Variants in GNAT3 observed in about 807,000 individuals in gnomAD.
The protein encoded by GNAT3 is guanine nucleotide-binding protein G(t) subunit alpha-3.
GNAT3 carries 31 observed loss-of-function variants against 37.7 expected under a neutral mutation model. The ratio of observed to expected loss-of-function variants is 0.82; its 90% CI spans 0.62 to 1.11. The LOEUF is 1.11. Ranked by LOEUF, GNAT3 falls within the 50% of genes most tolerant of loss-of-function variation. GNAT3 has a pLI of 0.00. For synonymous variants in GNAT3, 138 were observed against 139.8 expected, an observed-to-expected ratio of 0.99 and a Z score of 0.09; for missense variants, 437 against 412.5, an observed-to-expected ratio of 1.06 and a Z score of -0.51.
chr7:80,485,845 C>G (rs1790469354), intron 3 of GNAT3, among the ~76,000 whole-genome samples: 1 of 152,002 alleles, frequency 6.6e-6, no homozygotes, highest in African/African-American at 2.4e-5. Context: ...CTTTAATAGT[C>G]ATTGTAACTC....
Position 80,474,215 on chromosome 7 carries a change from C to G in GNAT3, c.590+36G>C, listed in dbSNP as rs760684217. 24 of 1,589,026 alleles carry G rather than the reference C, an allele frequency of 1.5e-5. No homozygotes were observed. The Middle Eastern group carries it at 1.0e-3, about 66-fold the overall frequency. On this transcript the variant is annotated intron_variant, in intron 5 of 7. Transcript: ENST00000398291. ...GAGGAAATATTAAGCCTGATGCATA[C>G]TTCTGTCTACAGTTAGAAAAGATAT...
intron 2 of GNAT3, among the ~76,000 whole-genome samples, chr7:80,492,389 A>G (rs1290636188): frequency 6.6e-6 from 1 of 151,692 alleles, no homozygotes; most frequent in Non-Finnish European, 1.5e-5. Context: ...AAAAAATAAA[A>G]TGTTAATGCA....
chr7:80,482,169 A>T (rs550913076), intron 3 of GNAT3, among the ~76,000 whole-genome samples: 7 of 152,312 alleles, frequency 4.6e-5, no homozygotes, highest in African/African-American at 1.2e-4. Context: ...ACAAATGGCC[A>T]TATCAAGTCT....
At chr7:80,504,904 A>T (rs1208719394) in intron 1 of GNAT3, among the ~76,000 whole-genome samples, 1 of 152,284 alleles carries the variant, frequency 6.6e-6, no homozygotes, top group East Asian at 1.9e-4. Flanking sequence ...TGCCTTTGGA[A>T]CATTTTAGAA....
At chr7:80,504,498 A>G (rs1464417720) in intron 1 of GNAT3, among the ~76,000 whole-genome samples, 1 of 152,204 alleles carries the variant, frequency 6.6e-6, no homozygotes, top group Non-Finnish European at 1.5e-5. Context: ...AAGTATTTCA[A>G]TATAAAAACA....
chr7:80,460,002 A>G (rs920743694), intron 7 of GNAT3, among the ~76,000 whole-genome samples: 1 of 152,188 alleles, frequency 6.6e-6, no homozygotes, highest in Non-Finnish European at 1.5e-5. Flanking sequence ...CTAGAAACTT[A>G]TGTCTACACA....
chr7:80,507,914 G>T (rs1790980770), intron 1 of GNAT3, among the ~76,000 whole-genome samples: 1 of 151,788 alleles, frequency 6.6e-6, no homozygotes, highest in Non-Finnish European at 1.5e-5. Context: ...AGTAGTTTTT[G>T]ATCTCTAGAC....
intron 2 of GNAT3, among the ~76,000 whole-genome samples, chr7:80,493,614 CTCTTTCCTCT>C (rs1790638502): frequency 8.7e-6 from 1 of 115,556 alleles, no homozygotes; most frequent in African/African-American, 4.2e-5. Context: ...CCTCCTCCTC[CTCTTTCCTCT>C]TCCTCCTCCT....
At chr7:80,473,562 CCTG>C (rs1475298387) in intron 5 of GNAT3, among the ~76,000 whole-genome samples, 1 of 151,964 alleles carries the variant, frequency 6.6e-6, no homozygotes, top group Non-Finnish European at 1.5e-5. Flanking sequence ...GCAGCTAGAA[CCTG>C]CTATTAATGT....
intron 1 of GNAT3, among the ~76,000 whole-genome samples, chr7:80,507,117 A>G (rs1389071314): frequency 6.6e-6 from 1 of 152,012 alleles, no homozygotes; most frequent in Non-Finnish European, 1.5e-5. Flanking sequence ...TTTACCAGTG[A>G]TCAGAAGGGG....
chr7:80,511,849 A>G lies in GNAT3; in HGVS notation c.78T>C (p.Asp26=), dbSNP rs1349209183. Residue 26 remains aspartate, a synonymous_variant, in exon 1 of 8, where the codon GAT becomes GAC. Coordinates refer to ENST00000398291, the MANE Select transcript of GNAT3 (RefSeq NM_001102386.3). The stretch of plus-strand genomic sequence containing the variant: ...TTACGGTTCTTGCATCTCGCTCAGC[A>G]TCCTCCTGAAGCTTTTTCTCCAGTT... ...SKELEKKLQE[D]AERDARTVKL... The G allele has an allele frequency of 3.7e-6, 6 of 1,612,156 alleles. No individual in the cohort carries two copies.
chr7:80,493,611 C>A (rs772837104), intron 2 of GNAT3, among the ~76,000 whole-genome samples: 1 of 117,822 alleles, frequency 8.5e-6, no homozygotes, highest in Non-Finnish European at 1.8e-5. Context: ...TTTCCTCCTC[C>A]TCCTCTTTCC....
intron 1 of GNAT3, among the ~76,000 whole-genome samples, chr7:80,497,676 A>ACG (rs1361283267): frequency 6.3e-5 from 6 of 95,880 alleles, no homozygotes; most frequent in African/African-American, 4.5e-4. Context: ...ATATACATAC[A>ACG]TATATACACA....
chr7:80,489,547 A>G (rs1357089672), intron 2 of GNAT3, among the ~76,000 whole-genome samples: 1 of 152,056 alleles, frequency 6.6e-6, no homozygotes, highest in African/African-American at 2.4e-5. Flanking sequence ...GAGCATAAAC[A>G]CCTCTTTAAT....
chr7:80,494,489 G>T, intron 2 of GNAT3, 116 bp downstream of exon 2: 1 of 638,114 alleles, frequency 1.6e-6, no homozygotes, highest in Non-Finnish European at 2.8e-6. Flanking sequence ...ACCACTCTAT[G>T]ATCCATGATT....
At chr7:80,501,964 A>G (rs749743306) in intron 1 of GNAT3, among the ~76,000 whole-genome samples, 1 of 151,998 alleles carries the variant, frequency 6.6e-6, no homozygotes, top group Non-Finnish European at 1.5e-5. Context: ...GCTATATACT[A>G]TCTTTCCTTT....
chr7:80,497,473 C>T (rs1030488041), intron 1 of GNAT3, among the ~76,000 whole-genome samples: 3 of 151,508 alleles, frequency 2.0e-5, no homozygotes, highest in East Asian at 1.9e-4. Context: ...ACTGAATATT[C>T]GAAATTCTAG....
chr7:80,506,274 A>G (rs1471082616), intron 1 of GNAT3, among the ~76,000 whole-genome samples: 1 of 152,094 alleles, frequency 6.6e-6, no homozygotes, highest in Non-Finnish European at 1.5e-5. Flanking sequence ...AGAATTTTCA[A>G]CCTCCTTAGC....
At chr7:80,466,674 A>G (rs190017351) in intron 5 of GNAT3, among the ~76,000 whole-genome samples, 83 of 152,192 alleles carry the variant, frequency 5.5e-4, no homozygotes, top group African/African-American at 1.9e-3. Flanking sequence ...CTTCCTACAT[A>G]TTTTATTTTC....
Sources: allele counts gnomAD v4.1 joint callset (sites outside exome capture counted in the v4.1 genomes callset), GRCh38; gene constraint gnomAD v4.1.1; transcripts MANE v1.5; gene names NCBI Gene and HGNC (gene_info 2026-07-23, HGNC 2026-07-21).